HEATR4: variants seen among roughly 807,000 people sequenced by gnomAD.
HEATR4 encodes HEAT repeat containing 4.
HEATR4 carries 95 observed loss-of-function variants against 108.8 expected under a neutral mutation model. The observed-to-expected ratio is 0.87, with a 90% CI of 0.74 to 1.04. The LOEUF (loss-of-function observed/expected upper bound fraction) is 1.04, where lower values mean the gene tolerates loss of function less well. Ranked by LOEUF, HEATR4 falls within the 50% of genes least tolerant of loss-of-function variation. The probability of loss-of-function intolerance (pLI) is 0.00; values close to 1 mark genes in which losing one functional copy is unlikely to be tolerated. For synonymous variants in HEATR4, 443 were observed against 459.4 expected, an observed-to-expected ratio of 0.96 and a Z score of 0.46; for missense variants, 1,152 against 1,253.8, an observed-to-expected ratio of 0.92 and a Z score of 1.23.
intron 1 of HEATR4, chr14:73,539,709 G>GCC (rs1437458530): frequency 8.4e-6 from 1 of 118,890 alleles, no homozygotes; most frequent in African/African-American, 2.8e-5. Flanking sequence ...GGCGGCTGAA[G>GCC]CCCCACAGGA....
chr14:73,612,983 C>G, the HEATR4 span: 15 of 1,120,498 alleles, frequency 1.3e-5, no homozygotes, highest in Non-Finnish European at 1.6e-5. Context: ...GCGGCGCGAG[C>G]CGGTGCGCGC....
Position 73,494,132 on chromosome 14 carries a change from C to T in HEATR4, c.2786-1008G>A, listed in dbSNP as rs191918711. ...AGGCTACTGTTCAAGTTACTTTCCACTCTCATTTTTATTCTGGCAGTTCGA... is the reference window on the plus strand; with the variant it reads ...AGGCTACTGTTCAAGTTACTTTCCATTCTCATTTTTATTCTGGCAGTTCGA... On this transcript the variant is annotated intron_variant, in intron 16 of 17. Coordinates refer to ENST00000553558, the MANE Select transcript of HEATR4 (RefSeq NM_001220484.1). Among the ~76,000 whole-genome samples the T allele has an allele frequency of 1.8e-4, 27 of 152,286 alleles. No homozygotes were observed. In the East Asian group the frequency reaches 4.8e-3, roughly 27 times the overall value.
rs1162935966 is a variant in HEATR4 at position 73,554,700 on chromosome 14, G to T, written c.-152+4051C>A. Among the ~76,000 whole-genome samples the T allele has an allele frequency of 1.7e-5, 2 of 114,816 alleles. 1 individual carries two copies. The highest frequency in any genetic ancestry group is 1.3e-3 in the East Asian group (2 of 1,500). 75.3% of individuals were successfully genotyped at this position (114,816 alleles called of 152,430 possible). A position where few individuals can be genotyped will look rare whatever the true frequency, so the allele number is the denominator to read the frequency against. ...CTCCTTTATGACAGAGAGCAGCACT[G>T]GTTCTGCTACTTTTAAAATGAATAA... On this transcript the variant is annotated intron_variant, in intron 1 of 17. Transcript: ENST00000553558.
rs544197023 is a variant in HEATR4 at position 73,496,211 on chromosome 14, GA to G, written c.2625+389del. On this transcript the variant is annotated intron_variant, in intron 15 of 17. Transcript: ENST00000553558. ...TGAGAAAACCCAGATTAGGAATTCA[GA>G]AAAATTAAGAAGAAAATCTAGGGGG... 3.3e-5 allele frequency among the ~76,000 whole-genome samples: 5 copies of G among 151,962 alleles called. No homozygotes were observed. In the East Asian group the frequency reaches 9.7e-4, roughly 29 times the overall value.
At chr14:73,605,541 G>A in the HEATR4 span, among the ~76,000 whole-genome samples, 1 of 147,810 alleles carries the variant, frequency 6.8e-6, no homozygotes, top group African/African-American at 2.5e-5. Context: ...TCATGCAGCT[G>A]GAGGCTGTAA....
rs550132050 is a variant in HEATR4, at chr14:73,553,016, G to A, written c.-152+5735C>T. Among the ~76,000 whole-genome samples the A allele has an allele frequency of 3.2e-4, 37 of 114,728 alleles. 6 individuals are homozygous for A. Among genetic ancestry groups the A allele is most frequent in the African/African-American group, 7.6e-4 (27 of 35,554 alleles). The allele number at this position is 114,728 out of a possible 152,430, so 75.3% of individuals were successfully genotyped here. ...TGACTCCCACTGTTCCTGGCTCACG[G>A]CCTGGCCACCTTGTCTCGCTCATCT... On this transcript the variant is annotated intron_variant, in intron 1 of 17. Coordinates refer to ENST00000553558, the MANE Select transcript of HEATR4 (RefSeq NM_001220484.1).
chr14:73,585,890 G>A, the HEATR4 span, among the ~76,000 whole-genome samples: 1,188 of 138,814 alleles, frequency 8.6e-3, 8 homozygotes, highest in Middle Eastern at 0.02. Context: ...GCGCAATCTC[G>A]GCTACTTGGG....
At chr14:73,509,866 A>ATATATTTATATATTTATTTATT (rs1566832362) in intron 7 of HEATR4, among the ~76,000 whole-genome samples, 1 of 67,510 alleles carries the variant, frequency 1.5e-5, no homozygotes, top group African/African-American at 6.3e-5. Context: ...ATATATATAT[A>ATATATTTATATATTTATTTATT]TATTTATTTA....
At chr14:73,500,484 A>C (rs1339858421) in intron 12 of HEATR4, 66 bp downstream of exon 12, 1 of 1,501,460 alleles carries the variant, frequency 6.7e-7, no homozygotes, top group Non-Finnish European at 9.1e-7. Context: ...TACTGTGCAC[A>C]ACCAGGGAAG....
intron 17 of HEATR4, among the ~76,000 whole-genome samples, chr14:73,486,992 G>A (rs1193336175): frequency 6.6e-6 from 1 of 152,036 alleles, no homozygotes; most frequent in African/African-American, 2.4e-5. Context: ...TCCTGGCCCA[G>A]CGCGATGGCT....
At chr14:73,480,706 T>C (rs1001014963) in intron 17 of HEATR4, among the ~76,000 whole-genome samples, 2 of 152,002 alleles carry the variant, frequency 1.3e-5, no homozygotes, top group Admixed American at 6.6e-5. Flanking sequence ...ACCTACACAA[T>C]GGAAGAGTAT....
At chr14:73,557,261 C>T (rs1889413182) in intron 1 of HEATR4, among the ~76,000 whole-genome samples, 1 of 113,878 alleles carries the variant, frequency 8.8e-6, no homozygotes, top group Non-Finnish European at 1.9e-5. Flanking sequence ...TTCCTAGATC[C>T]CCAGCTGGAA....
In HEATR4 at chr14:73,550,720, A is replaced by G. The variant is rs1168308482; in HGVS notation, c.-152+8031T>C. On this transcript the variant is annotated intron_variant, in intron 1 of 17. Coordinates refer to ENST00000553558, the MANE Select transcript of HEATR4 (RefSeq NM_001220484.1). ...AAATATTCTTCTTCCTTTGCAATAAATTACTCTATGCTGCACTTCTTTGCT... is the reference window on the plus strand; with the variant it reads ...AAATATTCTTCTTCCTTTGCAATAAGTTACTCTATGCTGCACTTCTTTGCT... Among the ~76,000 whole-genome samples the G allele has an allele frequency of 3.5e-5, 4 of 114,804 alleles. 1 individual carries two copies. Among genetic ancestry groups the G allele is most frequent in the Non-Finnish European group, 5.7e-5 (3 of 52,680 alleles). 75.3% of individuals were successfully genotyped at this position (114,804 alleles called of 152,430 possible).
the HEATR4 span, among the ~76,000 whole-genome samples, chr14:73,586,782 C>T: frequency 2.0e-5 from 3 of 151,786 alleles, no homozygotes; most frequent in African/African-American, 7.3e-5. Flanking sequence ...GTGATCATAG[C>T]TCAACTGCAG....
chr14:73,596,508 A>G, the HEATR4 span: 2 of 152,310 alleles, frequency 1.3e-5, no homozygotes, highest in East Asian at 3.9e-4. Context: ...AAAGAAAAAA[A>G]AAGAATAGAA....
intron 17 of HEATR4, chr14:73,491,748 C>T: frequency 6.4e-7 from 1 of 1,557,906 alleles, no homozygotes; most frequent in Non-Finnish European, 8.7e-7. Flanking sequence ...CTTTTCTCTA[C>T]CGCTGACCTG....
the HEATR4 span, among the ~76,000 whole-genome samples, chr14:73,583,871 G>A: frequency 1.3e-5 from 2 of 151,970 alleles, no homozygotes; most frequent in Admixed American, 6.6e-5. Flanking sequence ...GTGGTGGTGC[G>A]CACCTGTAGT....
Position 73,502,892 on chromosome 14 carries a change from T to TA in HEATR4, c.2105+2dup. 2.5e-6 allele frequency: 4 copies of TA among 1,607,290 alleles called. No individual in the cohort carries two copies. Among genetic ancestry groups the TA allele is most frequent in the Non-Finnish European group, 3.4e-6 (4 of 1,173,998 alleles). ...GTGTCTCCTCATGTTGACTGGGTCT[T>TA]ACCTGATTATGTCGTGCACCTCTTT... On this transcript the variant is annotated splice_region_variant and intron_variant, in intron 11 of 17. Transcript: ENST00000553558.
In HEATR4 at chr14:73,544,778, A is replaced by T. The variant is rs1889206507; in HGVS notation, c.-152+13973T>A. Among the ~76,000 whole-genome samples the T allele has an allele frequency of 1.8e-5, 2 of 113,134 alleles. 1 individual carries two copies. The highest frequency in any genetic ancestry group is 3.8e-5 in the Non-Finnish European group (2 of 52,112). The allele number at this position is 113,134 out of a possible 152,430, so 74.2% of individuals were successfully genotyped here. ...ATGGCAAAACCCCGTCTCTACAAAC[A>T]AATACCAGACATTGTGGCGGATGCC... On this transcript the variant is annotated intron_variant, in intron 1 of 17. Coordinates refer to ENST00000553558, the MANE Select transcript of HEATR4 (RefSeq NM_001220484.1).
Sources: allele counts gnomAD v4.1 joint callset (sites outside exome capture counted in the v4.1 genomes callset), GRCh38; gene constraint gnomAD v4.1.1; transcripts MANE v1.5; gene names NCBI Gene and HGNC (gene_info 2026-07-23, HGNC 2026-07-21).